Variants in ENTREP2 observed in about 807,000 individuals in gnomAD.
The protein encoded by ENTREP2 is endosomal transmembrane epsin interactor 2.
the ENTREP2 span, among the ~76,000 whole-genome samples, chr15:29,334,167 T>C: frequency 2.6e-5 from 4 of 152,222 alleles, 1 homozygote; most frequent in Non-Finnish European, 5.9e-5. Flanking sequence ...GAATCCAGCC[T>C]GTAATGTGAA....
the ENTREP2 span, among the ~76,000 whole-genome samples, chr15:29,343,400 C>T: frequency 6.6e-6 from 1 of 152,128 alleles, no homozygotes; most frequent in Non-Finnish European, 1.5e-5. Flanking sequence ...GAAGGAATTC[C>T]TTTCAAGACT....
chr15:29,481,552 G>C, the ENTREP2 span, among the ~76,000 whole-genome samples: 3 of 152,316 alleles, frequency 2.0e-5, no homozygotes, highest in African/African-American at 7.2e-5. Context: ...ACTGTACTCT[G>C]CAACTCCACT....
At chr15:29,449,083 G>A in the ENTREP2 span, among the ~76,000 whole-genome samples, 1 of 152,330 alleles carries the variant, frequency 6.6e-6, no homozygotes, top group South Asian at 2.1e-4. Context: ...TGCGATCACT[G>A]AAGAATGGTC....
the ENTREP2 span, among the ~76,000 whole-genome samples, chr15:29,264,776 T>C: frequency 2.0e-5 from 3 of 152,182 alleles, no homozygotes; most frequent in Non-Finnish European, 4.4e-5. Flanking sequence ...TTTGAGGTTA[T>C]CTCTAAGTAA....
the ENTREP2 span, among the ~76,000 whole-genome samples, chr15:29,657,483 C>CGGGGGGGGGGGGGGGGGGGGGGG: frequency 2.9e-5 from 2 of 69,382 alleles, no homozygotes; most frequent in African/African-American, 6.0e-5. Context: ...GCTGGGGGGG[C>CGGGGGGGGGGGGGGGGGGGGGGG]GGGGGGGGGG....
the ENTREP2 span, chr15:29,614,207 G>A: frequency 1.3e-5 from 2 of 157,066 alleles, no homozygotes; most frequent in Non-Finnish European, 1.4e-5. Context: ...GCAGGGGAGG[G>A]CATGAACGAG....
At chr15:29,523,874 C>T in the ENTREP2 span, among the ~76,000 whole-genome samples, 1 of 151,786 alleles carries the variant, frequency 6.6e-6, no homozygotes, top group East Asian at 1.9e-4. Flanking sequence ...ATATCATATA[C>T]AAAATTTAAG....
chr15:29,170,928 A>G, the ENTREP2 span, among the ~76,000 whole-genome samples: 3 of 152,230 alleles, frequency 2.0e-5, no homozygotes, highest in Non-Finnish European at 1.5e-5. Context: ...TTTGGCCCAC[A>G]GTTCTGGAGG....
At chr15:29,568,107 A>ATCATCAT in the ENTREP2 span, among the ~76,000 whole-genome samples, 1 of 152,212 alleles carries the variant, frequency 6.6e-6, no homozygotes, top group African/African-American at 2.4e-5. Context: ...GCAGGAACCA[A>ATCATCAT]TCATCATTTC....
At chr15:29,575,924 G>T in the ENTREP2 span, among the ~76,000 whole-genome samples, 1 of 152,148 alleles carries the variant, frequency 6.6e-6, no homozygotes. Flanking sequence ...ATTCTCTACA[G>T]ATTCAAAGCA....
At chr15:29,572,706 G>A in the ENTREP2 span, among the ~76,000 whole-genome samples, 378 of 152,170 alleles carry the variant, frequency 2.5e-3, 2 homozygotes, top group Non-Finnish European at 3.7e-3. Context: ...CACCCACTAT[G>A]TGCCAGGCAC....
chr15:29,663,374 C>G, the ENTREP2 span, among the ~76,000 whole-genome samples: 1 of 151,992 alleles, frequency 6.6e-6, no homozygotes, highest in Admixed American at 6.6e-5. Context: ...ACAAAACTAG[C>G]TGGATTATAA....
chr15:29,131,881 T>C, the ENTREP2 span, among the ~76,000 whole-genome samples: 1 of 116,504 alleles, frequency 8.6e-6, no homozygotes, highest in African/African-American at 3.1e-5. Context: ...CAAAAGAAAC[T>C]CACTCCTTGA....
chr15:29,403,457 T>C, the ENTREP2 span, among the ~76,000 whole-genome samples: 8 of 152,200 alleles, frequency 5.3e-5, no homozygotes, highest in East Asian at 5.8e-4. Context: ...TATTTGTTGA[T>C]ACAGAACATT....
the ENTREP2 span, among the ~76,000 whole-genome samples, chr15:29,225,586 G>A: frequency 6.6e-6 from 1 of 152,184 alleles, no homozygotes; most frequent in Non-Finnish European, 1.5e-5. Context: ...AAGTGCCCCA[G>A]TCATGAAATC....
chr15:29,332,757 C>T, the ENTREP2 span, among the ~76,000 whole-genome samples: 3 of 151,962 alleles, frequency 2.0e-5, no homozygotes, highest in African/African-American at 7.2e-5. Context: ...GTTGGAAGTT[C>T]AAGATGAGCC....
At chr15:29,426,860 C>T in the ENTREP2 span, among the ~76,000 whole-genome samples, 1 of 152,232 alleles carries the variant, frequency 6.6e-6, no homozygotes. Context: ...ACACTGGGCG[C>T]CGAGTGGTCA....
the ENTREP2 span, among the ~76,000 whole-genome samples, chr15:29,403,636 G>A: frequency 1.3e-5 from 2 of 152,092 alleles, no homozygotes; most frequent in African/African-American, 4.8e-5. Flanking sequence ...ATGAATAAAG[G>A]CCACTGTACT....
the ENTREP2 span, among the ~76,000 whole-genome samples, chr15:29,502,777 T>C: frequency 6.6e-6 from 1 of 151,944 alleles, no homozygotes; most frequent in Non-Finnish European, 1.5e-5. Flanking sequence ...GGAAAAGGGC[T>C]AAGGATTTGA....
Sources: allele counts gnomAD v4.1 joint callset (sites outside exome capture counted in the v4.1 genomes callset), GRCh38; gene constraint gnomAD v4.1.1; transcripts MANE v1.5; gene names NCBI Gene and HGNC (gene_info 2026-07-23, HGNC 2026-07-21).